BTF3L4: variants seen among roughly 807,000 people sequenced by gnomAD.
BTF3L4 encodes transcription factor BTF3 homolog 4.
BTF3L4 carries 6 observed loss-of-function variants against 16.8 expected under a neutral mutation model. The ratio of observed to expected loss-of-function variants is 0.36; its 90% CI spans 0.20 to 0.71. The LOEUF (loss-of-function observed/expected upper bound fraction) is 0.71. Ranked by LOEUF, BTF3L4 falls within the 30% of genes least tolerant of loss-of-function variation. BTF3L4 has a pLI of 0.58. For synonymous variants in BTF3L4, 39 were observed against 59.8 expected (o/e 0.65, Z 1.60); for missense variants, 92 against 186.9 (o/e 0.49, Z 2.96).
At chr1:52,062,627 G>A (rs1686544706) in intron 2 of BTF3L4, among the ~76,000 whole-genome samples, 1 of 152,162 alleles carries the variant, frequency 6.6e-6, no homozygotes, top group Admixed American at 6.5e-5. Flanking sequence ...CCTATAGGCA[G>A]TGGGCAACTA....
In BTF3L4 at chr1:52,088,197, C is replaced by T. The variant is rs1278155295; in HGVS notation, c.*1439C>T. The T allele has an allele frequency of 6.6e-6, 1 of 152,548 alleles. No individual in the cohort carries two copies. Among genetic ancestry groups the T allele is most frequent in the Non-Finnish European group, 1.5e-5 (1 of 68,022 alleles). The allele number at this position is 152,548 out of a possible 1,614,324, so 9.4% of individuals were successfully genotyped here. ...ACCTTGCAGCTACCAACTTTTGTGTCAAGCTAGATATCTTTATTTGATATC... is the reference window on the plus strand; with the variant it reads ...ACCTTGCAGCTACCAACTTTTGTGTTAAGCTAGATATCTTTATTTGATATC... On this transcript the variant is annotated 3_prime_UTR_variant, in exon 6 of 6. Coordinates refer to ENST00000313334, the MANE Select transcript of BTF3L4 (RefSeq NM_152265.5).
rs1022001638 is a variant in BTF3L4, at chr1:52,069,473, CAG to C, written c.168+4537_168+4538del. Among the ~76,000 whole-genome samples the C allele has an allele frequency of 1.2e-3, 176 of 152,098 alleles. 1 individual carries two copies. The highest frequency in any genetic ancestry group is 3.9e-3 in the African/African-American group (162 of 41,496). Reference sequence around the variant, plus strand: ...TATAGATATGATTTTCAGAAACACTCAGATATGAACATATATATATGTCAGAG... The same window carrying C: ...TATAGATATGATTTTCAGAAACACTCATATGAACATATATATATGTCAGAG... On this transcript the variant is annotated intron_variant, in intron 3 of 5. Transcript: ENST00000313334.
intron 3 of BTF3L4, among the ~76,000 whole-genome samples, chr1:52,066,814 C>G (rs1189368072): frequency 6.6e-6 from 1 of 151,050 alleles, no homozygotes; most frequent in Non-Finnish European, 1.5e-5. Flanking sequence ...CCACTGTACT[C>G]CAGTCTGGGC....
Position 52,089,179 on chromosome 1 carries a change from T to C in BTF3L4, c.*2421T>C. The C allele has an allele frequency of 6.6e-6, 1 of 152,218 alleles. No individual in the cohort carries two copies. Among genetic ancestry groups the C allele is most frequent in the Admixed American group, 6.5e-5 (1 of 15,278 alleles). The allele number at this position is 152,218 out of a possible 1,614,324, so 9.4% of individuals were successfully genotyped here. ...TCAGAGATGTCTTTATTTTTATTAA[T>C]ACCCATAAAACGTTTGTGTATTTGC... On this transcript the variant is annotated 3_prime_UTR_variant, in exon 6 of 6. Transcript: ENST00000313334.
intron 3 of BTF3L4, among the ~76,000 whole-genome samples, chr1:52,072,344 G>T (rs1435129860): frequency 6.6e-6 from 1 of 151,902 alleles, no homozygotes; most frequent in Admixed American, 6.6e-5. Flanking sequence ...GAGCCACCGC[G>T]CCTGGCCAGC....
At chr1:52,075,941 A>T (rs1306747567) in intron 3 of BTF3L4, among the ~76,000 whole-genome samples, 1 of 152,196 alleles carries the variant, frequency 6.6e-6, no homozygotes, top group Admixed American at 6.5e-5. Context: ...TAGGGATTAC[A>T]GGAGTGAGCC....
intron 3 of BTF3L4, among the ~76,000 whole-genome samples, chr1:52,070,377 GGTTT>G (rs905434290): frequency 2.0e-5 from 3 of 151,360 alleles, no homozygotes; most frequent in Admixed American, 6.6e-5. Flanking sequence ...ATTATATATA[GGTTT>G]GTTTGTTTGT....
At chr1:52,086,458 A>G (rs1643973765) in intron 5 of BTF3L4, 2 of 480,572 alleles carry the variant, frequency 4.2e-6, no homozygotes, top group Non-Finnish European at 7.3e-6. Flanking sequence ...ATTATAATTG[A>G]CATATGAAAA....
chr1:52,070,906 G>A (rs1686772411), intron 3 of BTF3L4, among the ~76,000 whole-genome samples: 1 of 152,090 alleles, frequency 6.6e-6, no homozygotes, highest in South Asian at 2.1e-4. Context: ...AAAGTCCTGG[G>A]AGGATTACAG....
intron 5 of BTF3L4, 34 bp from the exon 6 acceptor site, chr1:52,086,678 T>C (rs756432032): frequency 2.1e-6 from 3 of 1,395,530 alleles, no homozygotes; most frequent in Non-Finnish European, 3.0e-6. Flanking sequence ...TTTTTTGTAT[T>C]CTTTGATTCA....
chr1:52,061,635 C>CTT (rs67186641), intron 2 of BTF3L4, among the ~76,000 whole-genome samples: 46 of 65,016 alleles, frequency 7.1e-4, no homozygotes, highest in African/African-American at 1.9e-3. Context: ...TACAGCTATT[C>CTT]TTTTTTTTTT....
At chr1:52,084,804 A>AG (rs1643955379) in intron 4 of BTF3L4, among the ~76,000 whole-genome samples, 1 of 151,750 alleles carries the variant, frequency 6.6e-6, no homozygotes, top group Non-Finnish European at 1.5e-5. Context: ...TAAAAAAAAA[A>AG]AAAGAAAAAA....
rs1470456523 is a variant in BTF3L4 at position 52,090,251 on chromosome 1, G to A, written c.*3493G>A. 1 of 152,160 alleles carries A rather than the reference G, an allele frequency of 6.6e-6. No homozygotes were observed. Among genetic ancestry groups the A allele is most frequent in the Non-Finnish European group, 1.5e-5 (1 of 68,026 alleles). The allele number at this position is 152,160 out of a possible 1,614,324, so 9.4% of individuals were successfully genotyped here. ...AGTTTTATCTATAAAATGGTACCTA[G>A]AAGAGTCATGATTTCTTAGAATCCC... On this transcript the variant is annotated 3_prime_UTR_variant, in exon 6 of 6. Coordinates refer to ENST00000313334, the MANE Select transcript of BTF3L4 (RefSeq NM_152265.5).
intron 3 of BTF3L4, among the ~76,000 whole-genome samples, chr1:52,073,458 T>G (rs1209537859): frequency 6.7e-6 from 1 of 149,226 alleles, no homozygotes. Flanking sequence ...ACACTATATA[T>G]ATGCACTATA....
intron 3 of BTF3L4, among the ~76,000 whole-genome samples, chr1:52,073,938 A>C (rs1328704358): frequency 6.6e-6 from 1 of 152,078 alleles, no homozygotes; most frequent in Admixed American, 6.6e-5. Context: ...CGGAGGTTGC[A>C]GTGAACTGAG....
At chr1:52,063,739 T>G (rs1286953643) in intron 2 of BTF3L4, among the ~76,000 whole-genome samples, 2 of 152,206 alleles carry the variant, frequency 1.3e-5, no homozygotes, top group East Asian at 3.8e-4. Context: ...TTCAACCTGT[T>G]TGCTCAGGCC....
At chr1:52,058,056 G>T (rs1686419006) in intron 1 of BTF3L4, among the ~76,000 whole-genome samples, 1 of 151,888 alleles carries the variant, frequency 6.6e-6, no homozygotes, top group African/African-American at 2.4e-5. Context: ...AAATTCCTTT[G>T]GCTCTTTGTT....
chr1:52,058,800 A>T (rs1446989592), intron 1 of BTF3L4, among the ~76,000 whole-genome samples: 1 of 152,078 alleles, frequency 6.6e-6, no homozygotes, highest in Non-Finnish European at 1.5e-5. Context: ...AGGTTTCTCC[A>T]TGTTGGTCAG....
At chr1:52,065,903 T>G (rs1467697662) in intron 3 of BTF3L4, among the ~76,000 whole-genome samples, 1 of 151,978 alleles carries the variant, frequency 6.6e-6, no homozygotes, top group Non-Finnish European at 1.5e-5. Context: ...CTAGCTGTGG[T>G]GGCACATGCC....
Sources: allele counts gnomAD v4.1 joint callset (sites outside exome capture counted in the v4.1 genomes callset), GRCh38; gene constraint gnomAD v4.1.1; transcripts MANE v1.5; gene names NCBI Gene and HGNC (gene_info 2026-07-23, HGNC 2026-07-21).